CEP89: variants seen among roughly 807,000 people sequenced by gnomAD.
CEP89 encodes the protein centrosomal protein of 89 kDa.
A neutral mutation model predicts 97.6 loss-of-function variants in CEP89; 95 were observed. That is an observed-to-expected ratio of 0.97 (90% CI 0.82 to 1.15). The LOEUF (loss-of-function observed/expected upper bound fraction) is 1.15. Among genes scored for constraint, CEP89 ranks in the 50% most tolerant of loss-of-function variants. The probability of loss-of-function intolerance (pLI) is 0.00; values close to 1 mark genes in which losing one functional copy is unlikely to be tolerated. For missense variants in CEP89, 869 were observed against 947.7 expected, an observed-to-expected ratio of 0.92 and a Z score of 1.09; for synonymous variants, 354 against 349.1, an observed-to-expected ratio of 1.01 and a Z score of -0.16.
intron 13 of CEP89, chr19:32,917,783 C>T: frequency 2.0e-6 from 2 of 984,908 alleles, no homozygotes; most frequent in African/African-American, 1.7e-5. Context: ...ATCTAACCTG[C>T]AGTGATGTCG....
intron 4 of CEP89, among the ~76,000 whole-genome samples, chr19:32,948,753 T>C (rs1970851117): frequency 1.3e-5 from 2 of 151,832 alleles, no homozygotes; most frequent in African/African-American, 4.8e-5. Flanking sequence ...TGAGACAGGG[T>C]CTCCTCTGTC....
At position 32,879,248 on chromosome 19, in the gene CEP89, TG is replaced by T; in HGVS notation, c.2265del (p.Ser756AlafsTer21). On this transcript the variant is annotated frameshift_variant, in exon 19 of 19. Transcript: ENST00000305768. LOFTEE classifies it low-confidence loss of function (END_TRUNC). ...TCTGCCTGAGAGACGCCATTGAGGC[TG>T]GGGGCAACCAGAGCTCTGGGGTTGT... The part of the protein sequence containing the change: ...VQDNPRALVA[P>X]SLNGVSQADL... 1.9e-6 allele frequency: 3 copies of T among 1,614,182 alleles called. No homozygotes were observed. The highest frequency in any genetic ancestry group is 2.5e-6 in the Non-Finnish European group (3 of 1,180,002).
Position 32,884,892 on chromosome 19 carries a change from A to T in CEP89, c.1965+2860T>A, listed in dbSNP as rs893957917. 3.9e-5 allele frequency among the ~76,000 whole-genome samples: 6 copies of T among 152,116 alleles called. No individual in the cohort carries two copies. In the East Asian group the frequency reaches 5.8e-4, roughly 15 times the overall value. On this transcript the variant is annotated intron_variant, in intron 17 of 18. Transcript: ENST00000305768. The stretch of plus-strand genomic sequence containing the variant: ...TTCCACTATTTAGGAATAAAGCTCG[A>T]TTCTTGTAGTTGGCTTTATTCTTAC...
At chr19:32,892,629 C>A (rs56003320) in intron 16 of CEP89, among the ~76,000 whole-genome samples, 12,206 of 149,670 alleles carry the variant, frequency 0.082, 1,555 homozygotes, top group African/African-American at 0.27. Context: ...TCAGAAGAAA[C>A]CTTACAGGCC....
At chr19:32,904,608 T>C (rs2145893161) in intron 14 of CEP89, among the ~76,000 whole-genome samples, 1 of 151,918 alleles carries the variant, frequency 6.6e-6, no homozygotes, top group South Asian at 2.1e-4. Context: ...TTTTTTTTTT[T>C]TTGAGATGGA....
At chr19:32,937,793 A>T in intron 6 of CEP89, 120 bp from the exon 7 acceptor site, 5 of 732,694 alleles carry the variant, frequency 6.8e-6, no homozygotes, top group Admixed American at 5.3e-5. Flanking sequence ...CTTCATTTTG[A>T]CTCTTGTTCT....
At position 32,936,379 on chromosome 19, in the gene CEP89, G is replaced by T. The variant is rs1970581398; in HGVS notation, c.667+1252C>A. Among the ~76,000 whole-genome samples, 1 of 152,152 alleles carries T rather than the reference G, an allele frequency of 6.6e-6. No homozygotes were observed. Among genetic ancestry groups the T allele is most frequent in the Non-Finnish European group, 1.5e-5 (1 of 68,022 alleles). On this transcript the variant is annotated intron_variant, in intron 7 of 18. Transcript: ENST00000305768. This position sits in a 1 kb window ranked among gnomAD's most constrained non-coding sequence, Gnocchi z 4.5. ...TGCACTGGCCTGCAGTTGCCCCTTG[G>T]TGTGAGCAGCCTGGGTGCCATGGAC... is the stretch of plus-strand genomic sequence containing the variant.
At chr19:32,910,305 G>C (rs1424439675) in intron 14 of CEP89, among the ~76,000 whole-genome samples, 1 of 151,132 alleles carries the variant, frequency 6.6e-6, no homozygotes, top group South Asian at 2.1e-4. Context: ...GAGAGAGGGA[G>C]GGAGGGAGGG....
At position 32,937,448 on chromosome 19, in the gene CEP89, A is replaced by G. The variant is rs1377901037; in HGVS notation, c.667+183T>C. 15 of 574,148 alleles carry G rather than the reference A, an allele frequency of 2.6e-5. 1 individual carries two copies. Among genetic ancestry groups the G allele is most frequent in the Non-Finnish European group, 4.7e-5 (15 of 320,698 alleles). The allele number at this position is 574,148 out of a possible 1,614,324, so 35.6% of individuals were successfully genotyped here. On this transcript the variant is annotated intron_variant, in intron 7 of 18. Transcript: ENST00000305768. ...CCAACCCCCACCCTCCCAGGACCCAAGCACATCCTGTATGGACATACGTCC... is the reference window on the plus strand; with the variant it reads ...CCAACCCCCACCCTCCCAGGACCCAGGCACATCCTGTATGGACATACGTCC...
In CEP89 at chr19:32,901,297, C is replaced by T; in HGVS notation, c.1681G>A (p.Glu561Lys). The T allele has an allele frequency of 6.2e-7, 1 of 1,614,180 alleles. No homozygotes were observed. Among genetic ancestry groups the T allele is most frequent in the Non-Finnish European group, 8.5e-7 (1 of 1,180,026 alleles). Residue 561 changes from glutamate (E) to lysine (K), a missense_variant, in exon 15 of 19, where the codon GAG becomes AAG. By Grantham distance (56) the Glu-to-Lys change is moderately conservative (BLOSUM62 1). Coordinates refer to ENST00000305768, the MANE Select transcript of CEP89 (RefSeq NM_032816.5). ...TCGGCTTCCAGTGCTTTGTTTTGCT[C>T]TGTCAAACTGTTCTTCTCTAACAGC... ...SLLLEKNSLT[E>K]QNKALEAELE...
At chr19:32,956,907 G>A (rs1222574216) in intron 3 of CEP89, among the ~76,000 whole-genome samples, 1 of 152,176 alleles carries the variant, frequency 6.6e-6, no homozygotes, top group African/African-American at 2.4e-5. Context: ...TTATTTGTGT[G>A]TCTATAGAGT....
At chr19:32,925,085 C>T (rs1040273254) in intron 11 of CEP89, among the ~76,000 whole-genome samples, 1 of 152,158 alleles carries the variant, frequency 6.6e-6, no homozygotes, top group African/African-American at 2.4e-5. Context: ...GACATGGACA[C>T]GGGACAGCAT....
At chr19:32,931,655 T>TCTCCC (rs1970475891) in intron 8 of CEP89, 84 bp from the exon 9 acceptor site, 11 of 1,143,966 alleles carry the variant, frequency 9.6e-6, no homozygotes. Flanking sequence ...CGTTTGCTTT[T>TCTCCC]CTCCCCTCTT....
intron 12 of CEP89, among the ~76,000 whole-genome samples, chr19:32,923,051 A>C (rs953989715): frequency 2.6e-5 from 4 of 152,078 alleles, no homozygotes; most frequent in African/African-American, 9.7e-5. Flanking sequence ...CTGGTCGTGC[A>C]AGCCTCATGA....
At chr19:32,920,824 C>G (rs1293059670) in intron 12 of CEP89, among the ~76,000 whole-genome samples, 1 of 152,046 alleles carries the variant, frequency 6.6e-6, no homozygotes, top group African/African-American at 2.4e-5. Context: ...CCCATTAAGC[C>G]TGAGGTCACC....
In CEP89 at chr19:32,878,937, G is replaced by A. The variant is rs551468954; in HGVS notation, c.*225C>T. 6.5e-5 allele frequency: 27 copies of A among 413,540 alleles called. No homozygotes were observed. In the South Asian group the frequency reaches 1.7e-3, roughly 27 times the overall value. The allele number at this position is 413,540 out of a possible 1,614,324, so 25.6% of individuals were successfully genotyped here. On this transcript the variant is annotated 3_prime_UTR_variant, in exon 19 of 19. Coordinates refer to ENST00000305768, the MANE Select transcript of CEP89 (RefSeq NM_032816.5). ...TGATTGCACCACTGTACTCCAGCAT[G>A]GGCAACAGAGTGAGACCCTAGCTCT...
intron 14 of CEP89, among the ~76,000 whole-genome samples, chr19:32,906,123 C>T (rs933335835): frequency 2.6e-5 from 4 of 152,192 alleles, no homozygotes; most frequent in African/African-American, 9.7e-5. Context: ...TTAAAGACAA[C>T]ACAGATGTGC....
chr19:32,902,843 C>T (rs974183472), intron 14 of CEP89, among the ~76,000 whole-genome samples: 7 of 152,196 alleles, frequency 4.6e-5, no homozygotes, highest in African/African-American at 1.7e-4. Flanking sequence ...GAAAGAAACA[C>T]TACAAACAGT....
chr19:32,946,001 G>T (rs888565698), intron 5 of CEP89, among the ~76,000 whole-genome samples: 3 of 152,190 alleles, frequency 2.0e-5, no homozygotes, highest in African/African-American at 7.2e-5. Context: ...GCTTCCTCCT[G>T]AAGCATCAGC....
Sources: allele counts gnomAD v4.1 joint callset (sites outside exome capture counted in the v4.1 genomes callset), GRCh38; gene constraint gnomAD v4.1.1; non-coding constraint Gnocchi (gnomAD v3.1); transcripts MANE v1.5; gene names NCBI Gene and HGNC (gene_info 2026-07-23, HGNC 2026-07-21).